Variants in UBE2H observed in about 807,000 individuals in gnomAD.
UBE2H encodes ubiquitin-conjugating enzyme E2 H.
UBE2H carries 3 observed loss-of-function variants against 29.0 expected under a neutral mutation model. The observed-to-expected ratio is 0.10, with a 90% CI of 0.05 to 0.27. UBE2H has a LOEUF of 0.27. Among genes scored for constraint, UBE2H ranks in the 10% least tolerant of loss-of-function variants. UBE2H has a pLI of 1.00. For missense variants in UBE2H, 68 were observed against 228.2 expected, an observed-to-expected ratio of 0.30 and a Z score of 4.52; for synonymous variants, 69 against 82.9, an observed-to-expected ratio of 0.83 and a Z score of 0.91.
chr7:129,902,416 G>A (rs1273487259), intron 1 of UBE2H, among the ~76,000 whole-genome samples: 13 of 152,168 alleles, frequency 8.5e-5, no homozygotes, highest in South Asian at 6.2e-4. Flanking sequence ...CAGGAGAATC[G>A]CTTGGACCTG....
chr7:129,840,525 T>C (rs773579701), intron 5 of UBE2H, among the ~76,000 whole-genome samples: 1 of 152,076 alleles, frequency 6.6e-6, no homozygotes, highest in African/African-American at 2.4e-5. Flanking sequence ...TACACACAGT[T>C]AGCAAACAAC....
intron 3 of UBE2H, among the ~76,000 whole-genome samples, chr7:129,877,880 ACT>A (rs1390670233): frequency 2.0e-5 from 3 of 152,070 alleles, no homozygotes; most frequent in Non-Finnish European, 4.4e-5. Context: ...CTATAAGTTC[ACT>A]CTTAGTTTCA....
chr7:129,865,785 A>AT (rs1376944551), intron 3 of UBE2H, among the ~76,000 whole-genome samples: 1 of 152,222 alleles, frequency 6.6e-6, no homozygotes, highest in Admixed American at 6.5e-5. Context: ...GATTAATTCT[A>AT]TTTTTTCAGT....
chr7:129,929,332 AAAG>A (rs1157751338), intron 1 of UBE2H, among the ~76,000 whole-genome samples: 3 of 151,978 alleles, frequency 2.0e-5, no homozygotes, highest in African/African-American at 7.2e-5. Flanking sequence ...AAAAAAAAAA[AAAG>A]AAGAGTAACA....
At chr7:129,893,042 C>G (rs1307176489) in intron 1 of UBE2H, among the ~76,000 whole-genome samples, 2 of 152,140 alleles carry the variant, frequency 1.3e-5, no homozygotes, top group Admixed American at 6.5e-5. Flanking sequence ...TATCTGGCAA[C>G]TTACTATGGT....
intron 5 of UBE2H, among the ~76,000 whole-genome samples, chr7:129,852,807 C>T (rs994514616): frequency 9.9e-5 from 15 of 151,966 alleles, no homozygotes; most frequent in Admixed American, 6.6e-5. Context: ...CTCACTGCAA[C>T]CTCCGCCTCC....
At chr7:129,922,777 G>A (rs978949611) in intron 1 of UBE2H, among the ~76,000 whole-genome samples, 1 of 152,074 alleles carries the variant, frequency 6.6e-6, no homozygotes, top group Non-Finnish European at 1.5e-5. Flanking sequence ...TTTAGAGATG[G>A]GGATCTTGCT....
intron 1 of UBE2H, among the ~76,000 whole-genome samples, chr7:129,933,298 G>A (rs1034649940): frequency 1.3e-5 from 2 of 152,170 alleles, no homozygotes; most frequent in Non-Finnish European, 2.9e-5. Context: ...GAAGTTGACA[G>A]TATCAAATAT....
chr7:129,940,458 TAGAGAATGGCAAAGTCTTCC>T (rs1235415463), intron 1 of UBE2H, among the ~76,000 whole-genome samples: 1 of 152,292 alleles, frequency 6.6e-6, no homozygotes, highest in South Asian at 2.1e-4. Flanking sequence ...GCCTATCTTC[TAGAGAATGGCAAAGTCTTCC>T]AGAGAATGGC....
rs140146888 is a variant in UBE2H at position 129,843,749 on chromosome 7, C to T, written c.299-4414G>A. ...TGTGCTTGTTTTCATGCAGCTCCAC[C>T]GCAGGAGGTAACCCGCAGACACCTG... On this transcript the variant is annotated intron_variant, in intron 5 of 6. Transcript: ENST00000355621. 5.6e-3 allele frequency among the ~76,000 whole-genome samples: 856 copies of T among 152,282 alleles called. 6 individuals carry two copies. Among genetic ancestry groups the T allele is most frequent in the Non-Finnish European group, 8.1e-3 (551 of 68,028 alleles).
At position 129,899,104 on chromosome 7, in the gene UBE2H, G is replaced by A. The variant is rs768150186; in HGVS notation, c.54-18133C>T. ...TCAATATACCATAATTTACCTATCC[G>A]TAATTTCATATCCATTAGTGAATAG... is the stretch of plus-strand genomic sequence containing the variant. On this transcript the variant is annotated intron_variant, in intron 1 of 6. Coordinates refer to ENST00000355621, the MANE Select transcript of UBE2H (RefSeq NM_003344.4). Among the ~76,000 whole-genome samples the A allele has an allele frequency of 2.4e-4, 37 of 152,042 alleles. 1 individual carries two copies. Among genetic ancestry groups the A allele is most frequent in the Admixed American group, 2.6e-4 (4 of 15,288 alleles).
At chr7:129,848,210 A>T (rs1020703130) in intron 5 of UBE2H, among the ~76,000 whole-genome samples, 1 of 152,178 alleles carries the variant, frequency 6.6e-6, no homozygotes, top group African/African-American at 2.4e-5. Flanking sequence ...ACGACAGAGC[A>T]AGACTCTGTC....
chr7:129,923,102 G>A lies in UBE2H; in HGVS notation c.53+29401C>T, dbSNP rs79587342. Among the ~76,000 whole-genome samples the A allele has an allele frequency of 2.3e-3, 353 of 151,466 alleles. 9 individuals carry two copies. The East Asian group carries it at 0.063, about 27-fold the overall frequency. On this transcript the variant is annotated intron_variant, in intron 1 of 6. Coordinates refer to ENST00000355621, the MANE Select transcript of UBE2H (RefSeq NM_003344.4). ...TTTTTAGTAGAGACAGGGTTCCACC[G>A]TGTTAGCCAGGATGTTCTCAATCTC...
At chr7:129,951,748 G>A (rs970259006) in intron 1 of UBE2H, among the ~76,000 whole-genome samples, 2 of 152,146 alleles carry the variant, frequency 1.3e-5, no homozygotes, top group Non-Finnish European at 2.9e-5. Flanking sequence ...GGCCAGTCCA[G>A]GGACTATTTA....
intron 1 of UBE2H, among the ~76,000 whole-genome samples, chr7:129,921,059 T>C (rs2116470528): frequency 6.6e-6 from 1 of 152,188 alleles, no homozygotes; most frequent in Admixed American, 6.5e-5. Flanking sequence ...CGTGATTTTT[T>C]TTTTTAAAGC....
In UBE2H at chr7:129,874,311, A is replaced by AT. The variant is rs200046665; in HGVS notation, c.205+5256dup. Among the ~76,000 whole-genome samples the AT allele has an allele frequency of 9.7e-3, 1,363 of 140,592 alleles. 8 individuals carry two copies. Among genetic ancestry groups the AT allele is most frequent in the Non-Finnish European group, 0.012 (740 of 63,856 alleles). The allele number at this position is 140,592 out of a possible 152,430, so 92.2% of individuals were successfully genotyped here. A position where few individuals can be genotyped will look rare whatever the true frequency, so the allele number is the denominator to read the frequency against. ...GAATTTAATTTTTTTTATATATATAATTTTTTTTTTTTTTTTGAGACAGAG... is the reference window on the plus strand; with the variant it reads ...GAATTTAATTTTTTTTATATATATAATTTTTTTTTTTTTTTTTGAGACAGAG... On this transcript the variant is annotated intron_variant, in intron 3 of 6. Coordinates refer to ENST00000355621, the MANE Select transcript of UBE2H (RefSeq NM_003344.4).
In UBE2H at chr7:129,831,976, C is replaced by CCTG. The variant is rs1805236810; in HGVS notation, c.*2958_*2960dup. 1 of 152,250 alleles carries CCTG rather than the reference C, an allele frequency of 6.6e-6. No homozygotes were observed. The highest frequency in any genetic ancestry group is 2.4e-5 in the African/African-American group (1 of 41,420). The allele number at this position is 152,250 out of a possible 1,614,324, so 9.4% of individuals were successfully genotyped here. A position where few individuals can be genotyped will look rare whatever the true frequency, so the allele number is the denominator to read the frequency against. On this transcript the variant is annotated 3_prime_UTR_variant, in exon 7 of 7. Coordinates refer to ENST00000355621, the MANE Select transcript of UBE2H (RefSeq NM_003344.4). ...GGGAAACCGCCAGAAGTGGCTCTGACCTGCTGCCGCTGCCACCACCTCTAA... is the reference window on the plus strand; with the variant it reads ...GGGAAACCGCCAGAAGTGGCTCTGACCTGCTGCTGCCGCTGCCACCACCTCTAA...
intron 1 of UBE2H, among the ~76,000 whole-genome samples, chr7:129,932,114 G>A (rs1006563298): frequency 8.7e-5 from 13 of 148,744 alleles, no homozygotes; most frequent in African/African-American, 1.2e-4. Context: ...GAGCCACTGC[G>A]CCCAGCCCAC....
intron 1 of UBE2H, among the ~76,000 whole-genome samples, chr7:129,905,782 A>C (rs992598833): frequency 1.3e-5 from 2 of 152,148 alleles, no homozygotes; most frequent in African/African-American, 4.8e-5. Context: ...GCAATCGAGG[A>C]ATAAGAGAGG....
Sources: allele counts gnomAD v4.1 joint callset (sites outside exome capture counted in the v4.1 genomes callset), GRCh38; gene constraint gnomAD v4.1.1; transcripts MANE v1.5; gene names NCBI Gene and HGNC (gene_info 2026-07-23, HGNC 2026-07-21).